Variants in CSMD3 observed in about 807,000 individuals in gnomAD.
CSMD3 encodes the protein CUB and sushi domain-containing protein 3.
A neutral mutation model predicts 435.2 loss-of-function variants in CSMD3; 177 were observed. The observed-to-expected ratio is 0.41, with a 90% CI of 0.36 to 0.46. The LOEUF (loss-of-function observed/expected upper bound fraction) is 0.46. CSMD3 is among the 20% of genes least tolerant of loss of function. The pLI, the probability that CSMD3 is intolerant of heterozygous loss-of-function variation, is 0.34. For missense variants in CSMD3, 4,265 were observed against 4,504.6 expected, an observed-to-expected ratio of 0.95 and a Z score of 1.52; for synonymous variants, 1,656 against 1,520.5, an observed-to-expected ratio of 1.09 and a Z score of -2.07.
chr8:113,224,968 A>T (rs1220355928), intron 3 of CSMD3, among the ~76,000 whole-genome samples: 3 of 151,424 alleles, frequency 2.0e-5, no homozygotes, highest in Non-Finnish European at 3.0e-5. Context: ...TTTCTATCTC[A>T]GCAATTTAGA....
chr8:113,324,675 G>A (rs974596529), intron 1 of CSMD3, among the ~76,000 whole-genome samples: 6 of 152,252 alleles, frequency 3.9e-5, no homozygotes, highest in Non-Finnish European at 8.8e-5. Context: ...CCCACACAGC[G>A]CTCCTACTGG....
At chr8:113,342,044 T>G (rs1281535306) in intron 1 of CSMD3, among the ~76,000 whole-genome samples, 1 of 151,470 alleles carries the variant, frequency 6.6e-6, no homozygotes, top group Admixed American at 6.6e-5. Flanking sequence ...ACTCGTAGAA[T>G]AGCCAAAATA....
chr8:112,541,041 T>C (rs1387804711), intron 27 of CSMD3, among the ~76,000 whole-genome samples: 1 of 151,898 alleles, frequency 6.6e-6, no homozygotes, highest in Non-Finnish European at 1.5e-5. Context: ...CATAAATATG[T>C]ACAACTATTA....
chr8:112,551,688 T>G (rs1400902141), intron 26 of CSMD3, among the ~76,000 whole-genome samples: 1 of 152,040 alleles, frequency 6.6e-6, no homozygotes, highest in Non-Finnish European at 1.5e-5. Flanking sequence ...GATGATATAG[T>G]GTAGTCTATT....
Position 112,351,200 on chromosome 8 carries a change from C to T in CSMD3, c.6300G>A (p.Trp2100Ter), listed in dbSNP as rs1826106927. The T allele has an allele frequency of 6.2e-7, 1 of 1,607,716 alleles. No individual in the cohort carries two copies. Among genetic ancestry groups the T allele is most frequent in the Admixed American group, 1.7e-5 (1 of 59,930 alleles). The change falls in exon 40 of 71, where the codon TGG becomes TGA. Residue 2100 changes from tryptophan (W) to a stop codon, truncating the protein, a stop_gained. Transcript: ENST00000297405. LOFTEE classifies it high-confidence loss of function. The part of the protein sequence containing the change: ...ITCMPGPVRR[W>*]NYPIPICLAQ... ...CTAAACAAATTGGGATTGGATAATT[C>T]CATCTTCTTACAGGTCCTGGCATAC...
chr8:112,486,130 T>C (rs931093119), intron 31 of CSMD3, among the ~76,000 whole-genome samples: 4 of 148,644 alleles, frequency 2.7e-5, no homozygotes, highest in Admixed American at 2.0e-4. Flanking sequence ...TTTTTTTTGG[T>C]AGGAATTTAC....
At chr8:112,593,346 G>A (rs934122333) in intron 22 of CSMD3, among the ~76,000 whole-genome samples, 1 of 152,090 alleles carries the variant, frequency 6.6e-6, no homozygotes, top group Non-Finnish European at 1.5e-5. Context: ...GAAGATGAGA[G>A]CTTCAACTAA....
At chr8:112,591,227 G>A (rs1171545809) in intron 22 of CSMD3, among the ~76,000 whole-genome samples, 1 of 151,820 alleles carries the variant, frequency 6.6e-6, no homozygotes, top group Non-Finnish European at 1.5e-5. Context: ...ATATCTATTC[G>A]AGTTACCAAT....
At chr8:112,621,191 T>G (rs1288398802) in intron 22 of CSMD3, among the ~76,000 whole-genome samples, 1 of 152,026 alleles carries the variant, frequency 6.6e-6, no homozygotes, top group African/African-American at 2.4e-5. Context: ...GCTGAGATCA[T>G]GCCATTGCAC....
chr8:112,378,497 T>C (rs1204497149), intron 38 of CSMD3, among the ~76,000 whole-genome samples: 1 of 152,098 alleles, frequency 6.6e-6, no homozygotes, highest in African/African-American at 2.4e-5. Context: ...AAAATTGAAA[T>C]CCTGTTACTT....
At chr8:113,172,887 C>T (rs907436378) in intron 4 of CSMD3, among the ~76,000 whole-genome samples, 8 of 152,162 alleles carry the variant, frequency 5.3e-5, no homozygotes, top group African/African-American at 1.9e-4. Context: ...AAAAATCCAT[C>T]CATGTGCTTA....
chr8:112,224,432 C>T lies in CSMD3; in HGVS notation c.*339G>A, dbSNP rs1008015700. ...TATATCTTTTTTTTTAAACCCAGTC[C>T]CTCTAATATAGTTTATAAAGCACAG... On this transcript the variant is annotated 3_prime_UTR_variant, in exon 71 of 71. Coordinates refer to ENST00000297405, the MANE Select transcript of CSMD3 (RefSeq NM_198123.2). 7.6e-5 allele frequency: 23 copies of T among 303,508 alleles called. No individual in the cohort carries two copies. The Admixed American group carries it at 8.1e-4, about 11-fold the overall frequency. 18.8% of individuals were successfully genotyped at this position (303,508 alleles called of 1,614,324 possible).
chr8:112,911,795 G>A (rs1316670307), intron 10 of CSMD3, among the ~76,000 whole-genome samples: 5 of 144,320 alleles, frequency 3.5e-5, no homozygotes, highest in African/African-American at 7.5e-5. Flanking sequence ...ATATAATTAT[G>A]TTATATATTA....
chr8:112,550,964 G>C, intron 26 of CSMD3, 91 bp from the exon 27 acceptor site: 1 of 863,010 alleles, frequency 1.2e-6, no homozygotes, highest in Non-Finnish European at 1.9e-6. Context: ...CCTTTTACTA[G>C]ATAGTTCTTT....
At chr8:112,727,811 G>C (rs894304207) in intron 13 of CSMD3, among the ~76,000 whole-genome samples, 1 of 151,590 alleles carries the variant, frequency 6.6e-6, no homozygotes, top group East Asian at 1.9e-4. Flanking sequence ...AATACTGTCG[G>C]ATTCTAAATG....
intron 58 of CSMD3, among the ~76,000 whole-genome samples, chr8:112,284,793 T>C (rs552273923): frequency 6.6e-6 from 1 of 152,018 alleles, no homozygotes; most frequent in Non-Finnish European, 1.5e-5. Flanking sequence ...TTTATCATTC[T>C]ATTCATTATC....
chr8:112,486,878 T>G (rs1043019826), intron 31 of CSMD3, among the ~76,000 whole-genome samples: 2 of 152,108 alleles, frequency 1.3e-5, no homozygotes, highest in African/African-American at 4.8e-5. Context: ...CATGTTGTTA[T>G]CCCCAATTTT....
At chr8:113,104,563 C>T (rs1447087333) in intron 4 of CSMD3, among the ~76,000 whole-genome samples, 1 of 151,924 alleles carries the variant, frequency 6.6e-6, no homozygotes, top group Non-Finnish European at 1.5e-5. Context: ...GAAAATTGAG[C>T]AACTGGGTAA....
intron 66 of CSMD3, among the ~76,000 whole-genome samples, chr8:112,239,432 C>A (rs1039347947): frequency 3.3e-5 from 5 of 151,912 alleles, no homozygotes; most frequent in Admixed American, 6.6e-5. Flanking sequence ...TTTATAATAT[C>A]TTTATCCGAG....
Sources: gnomAD v4.1 joint callset for allele counts (sites outside exome capture counted in the v4.1 genomes callset) on GRCh38, gnomAD v4.1.1 for gene constraint, MANE v1.5 for transcripts, NCBI Gene and HGNC (gene_info 2026-07-23, HGNC 2026-07-21) for gene names.